Variants in KDM6A observed in about 807,000 individuals in gnomAD.
KDM6A encodes lysine-specific demethylase 6A.
In KDM6A, 11 loss-of-function variants were observed where a neutral mutation model predicts 117.6. The observed-to-expected ratio is 0.09, with a 90% CI of 0.06 to 0.15. The LOEUF is 0.15. KDM6A is among the 10% of genes least tolerant of loss of function. The probability of loss-of-function intolerance (pLI) is 1.00; values close to 1 mark genes in which losing one functional copy is unlikely to be tolerated. For synonymous variants in KDM6A, 384 were observed against 396.1 expected (o/e 0.97, Z 0.36); for missense variants, 799 against 1,077.3 (o/e 0.74, Z 3.62).
intron 27 of KDM6A, among the ~76,000 whole-genome samples, chrX:45,096,568 G>GTAC (rs1172600458): frequency 8.9e-6 from 1 of 112,249 alleles, no homozygotes; most frequent in Non-Finnish European, 1.9e-5. Flanking sequence ...TTCACCAGAA[G>GTAC]TACTACAGCT....
At chrX:45,100,012 C>T (rs1327429964) in intron 27 of KDM6A, among the ~76,000 whole-genome samples, 26 of 107,264 alleles carry the variant, frequency 2.4e-4, no homozygotes, top group East Asian at 2.1e-3. Flanking sequence ...CTAGTCTGGG[C>T]GACGGAGCAA....
intron 14 of KDM6A, among the ~76,000 whole-genome samples, chrX:45,060,999 A>G (rs971623907): frequency 2.7e-5 from 3 of 111,129 alleles, no homozygotes; most frequent in African/African-American, 9.8e-5. Flanking sequence ...ATCCCAGCAC[A>G]CTTTTCATCA....
chrX:45,000,177 C>T (rs1286687304), intron 4 of KDM6A, among the ~76,000 whole-genome samples: 4 of 112,292 alleles, frequency 3.6e-5, no homozygotes, highest in Admixed American at 9.4e-5. Context: ...TCAGCTATTC[C>T]TTTAACAGCA....
intron 24 of KDM6A, 63 bp downstream of exon 24, chrX:45,083,671 C>G: frequency 1.0e-6 from 1 of 954,795 alleles, no homozygotes; most frequent in East Asian, 3.2e-5. Flanking sequence ...ATGAAACATG[C>G]AAAGACAGCC....
At chrX:44,985,368 A>C (rs1313739240) in intron 4 of KDM6A, among the ~76,000 whole-genome samples, 1 of 111,397 alleles carries the variant, frequency 9.0e-6, no homozygotes, top group Admixed American at 9.6e-5. Context: ...GGACAATTTT[A>C]CTTCCTCTTT....
At chrX:44,925,036 G>A (rs2036224713) in intron 2 of KDM6A, among the ~76,000 whole-genome samples, 1 of 111,724 alleles carries the variant, frequency 9.0e-6, no homozygotes, top group Non-Finnish European at 1.9e-5. Context: ...GTACATAGTA[G>A]GTGTATATAT....
At chrX:44,877,168 G>A (rs1280473142) in intron 2 of KDM6A, among the ~76,000 whole-genome samples, 1 of 111,289 alleles carries the variant, frequency 9.0e-6, no homozygotes, top group African/African-American at 3.3e-5. Context: ...ATTTCTCATC[G>A]TCTCCCGAAT....
At chrX:45,102,164 G>GTAA in intron 27 of KDM6A, among the ~76,000 whole-genome samples, 1 of 111,923 alleles carries the variant, frequency 8.9e-6, no homozygotes, top group African/African-American at 3.2e-5. Context: ...CGAAGTAAGA[G>GTAA]GTTTGCACTG....
rs1329285905 is a variant in KDM6A at position 45,033,648 on chromosome X, G to A, written c.565-1283G>A. Among the ~76,000 whole-genome samples the A allele has an allele frequency of 1.3e-4, 14 of 110,329 alleles. No homozygotes were observed. The Admixed American group carries it at 1.4e-3, about 11-fold the overall frequency. ...GGCTCACTGCAATCTCTGCCTCCCG[G>A]GTTCAAGGAATTCTCCCGTCTCAGC... is the stretch of plus-strand genomic sequence containing the variant. On this transcript the variant is annotated intron_variant, in intron 6 of 29. Transcript: ENST00000611820.
At chrX:44,888,162 G>A (rs2033048824) in intron 2 of KDM6A, among the ~76,000 whole-genome samples, 2 of 110,907 alleles carry the variant, frequency 1.8e-5, no homozygotes, top group Admixed American at 9.6e-5. Flanking sequence ...AAAATTAACC[G>A]GGCGTGGTGG....
Position 44,873,495 on chromosome X carries a change from C to T in KDM6A, c.-57C>T, listed in dbSNP as rs2146439536. ...CGCGCGCAGATTGGGGGCGTCACTG[C>T]GGGCCCCGGTCCGAGGGGGGGTGTC... On this transcript the variant is annotated 5_prime_UTR_variant, in exon 1 of 30. Coordinates refer to ENST00000611820, the MANE Select transcript of KDM6A (RefSeq NM_001291415.2). The T allele has an allele frequency of 2.5e-6, 3 of 1,204,085 alleles. No homozygotes were observed. Among genetic ancestry groups the T allele is most frequent in the Non-Finnish European group, 3.4e-6 (3 of 890,590 alleles).
rs1242657660 is a variant in KDM6A at position 45,111,365 on chromosome X, C to A, written c.4333-17C>A. 2 of 1,174,216 alleles carry A rather than the reference C, an allele frequency of 1.7e-6. No individual in the cohort carries two copies. Among genetic ancestry groups the A allele is most frequent in the African/African-American group, 3.6e-5 (2 of 56,199 alleles). ...CAATTTGTATATCAAAATAACCTAC[C>A]TTACTTTTATTTTCAGGCTCCTCCA... On this transcript the variant is annotated splice_polypyrimidine_tract_variant and intron_variant, in intron 29 of 29. Transcript: ENST00000611820.
intron 4 of KDM6A, among the ~76,000 whole-genome samples, chrX:44,977,138 CT>C (rs761167292): frequency 9.0e-6 from 1 of 111,665 alleles, no homozygotes; most frequent in Non-Finnish European, 1.9e-5. Context: ...CCTAAGAAAT[CT>C]TTGCCTAACT....
chrX:45,011,255 G>A (rs952302900), intron 5 of KDM6A, among the ~76,000 whole-genome samples: 1 of 111,711 alleles, frequency 9.0e-6, no homozygotes, highest in Non-Finnish European at 1.9e-5. Context: ...AGATTCTGTT[G>A]AAGAAGGCTT....
chrX:44,948,133 C>A (rs1298263389), intron 2 of KDM6A, among the ~76,000 whole-genome samples: 1 of 111,929 alleles, frequency 8.9e-6, no homozygotes, highest in African/African-American at 3.2e-5. Flanking sequence ...GAAGCCCTTC[C>A]CAACTCTTCA....
chrX:45,003,918 C>T (rs1358424355), intron 4 of KDM6A, among the ~76,000 whole-genome samples: 2 of 99,076 alleles, frequency 2.0e-5, no homozygotes, highest in Admixed American at 1.1e-4. Context: ...CTTCCACCCC[C>T]GCTTCTCTCT....
intron 2 of KDM6A, among the ~76,000 whole-genome samples, chrX:44,898,416 AAAG>A (rs2034060935): frequency 1.8e-5 from 2 of 111,712 alleles, no homozygotes; most frequent in African/African-American, 6.5e-5. Context: ...CAGGGAGTAG[AAAG>A]CTGACTGACT....
intron 8 of KDM6A, among the ~76,000 whole-genome samples, chrX:45,050,124 G>A (rs2043769051): frequency 8.8e-6 from 1 of 113,050 alleles, no homozygotes; most frequent in Non-Finnish European, 1.9e-5. Context: ...CGGATCACCT[G>A]AGGTTGGGAA....
intron 2 of KDM6A, among the ~76,000 whole-genome samples, chrX:44,918,799 A>C (rs767629313): frequency 5.4e-5 from 6 of 111,983 alleles, no homozygotes; most frequent in African/African-American, 1.9e-4. Flanking sequence ...TGTTATTTGC[A>C]TATTAGGAAA....
Sources: allele counts gnomAD v4.1 joint callset (sites outside exome capture counted in the v4.1 genomes callset), GRCh38; gene constraint gnomAD v4.1.1; transcripts MANE v1.5; gene names NCBI Gene and HGNC (gene_info 2026-07-23, HGNC 2026-07-21).